Variants in BTBD2 observed in about 807,000 individuals in gnomAD.
The protein encoded by BTBD2 is BTB domain containing 2.
Under a neutral mutation model 44.0 loss-of-function variants are expected in BTBD2, and 15 were observed. The ratio of observed to expected loss-of-function variants is 0.34; its 90% CI spans 0.23 to 0.53. BTBD2 has a LOEUF of 0.53. BTBD2 is among the 20% of genes least tolerant of loss of function. The pLI, the probability that BTBD2 is intolerant of heterozygous loss-of-function variation, is 0.95. For missense variants in BTBD2, 657 were observed against 746.4 expected, an observed-to-expected ratio of 0.88 and a Z score of 1.39; for synonymous variants, 443 against 335.9, an observed-to-expected ratio of 1.32 and a Z score of -3.49.
intron 1 of BTBD2, chr19:2,013,520 G>T: frequency 9.1e-6 from 9 of 986,442 alleles, no homozygotes; most frequent in Non-Finnish European, 1.1e-5. Context: ...TGGGGTGCAG[G>T]GGGTAGCAGG....
intron 4 of BTBD2, 95 bp from the exon 5 acceptor site, chr19:1,990,296 C>A: frequency 7.1e-7 from 1 of 1,414,484 alleles, no homozygotes. Context: ...CAGTTAAAGC[C>A]GGGCTGGCAA....
In BTBD2 at chr19:1,990,167, C is replaced by A. The variant is rs200216414; in HGVS notation, c.825G>T (p.Leu275=). The change falls in exon 5 of 9, where the codon CTG becomes CTT. Residue 275 remains leucine (L), a synonymous_variant. Transcript: ENST00000255608. Reference sequence around the variant, plus strand: ...TGAACAGCCGCACCTCACGGATGCCCAGTGTGTCGCGCTCCAGGACAGCCA... The same window carrying A: ...TGAACAGCCGCACCTCACGGATGCCAAGTGTGTCGCGCTCCAGGACAGCCA... The part of the protein sequence containing the change: ...TLVAVLERDT[L]GIREVRLFNA... The A allele has an allele frequency of 6.7e-4, 1,082 of 1,608,430 alleles. 19 individuals carry two copies. The South Asian group carries it at 0.011, about 17-fold the overall frequency.
chr19:1,987,707 G>T lies in BTBD2; in HGVS notation c.989-15C>A. The T allele has an allele frequency of 6.4e-7, 1 of 1,574,114 alleles. No homozygotes were observed. The highest frequency in any genetic ancestry group is 8.6e-7 in the Non-Finnish European group (1 of 1,156,478). ...CTGTGCGGGACCTGCAGCACAGGGA[G>T]GGTGTGGGGGAGGGCCGGGCTGCAC... On this transcript the variant is annotated splice_polypyrimidine_tract_variant and intron_variant, in intron 5 of 8. Coordinates refer to ENST00000255608, the MANE Select transcript of BTBD2 (RefSeq NM_017797.4).
chr19:1,987,488 C>T lies in BTBD2; in HGVS notation c.1181+12G>A. On this transcript the variant is annotated intron_variant, in intron 6 of 8. Transcript: ENST00000255608. ...CATGTCCGGACCCCCCCGCCTGCAC[C>T]CCAAGCCCCACCTGATGCGGTCACT... 6.4e-7 allele frequency: 1 copy of T among 1,552,122 alleles called. No individual in the cohort carries two copies. Among genetic ancestry groups the T allele is most frequent in the South Asian group, 1.2e-5 (1 of 84,378 alleles).
intron 5 of BTBD2, chr19:1,988,019 G>T (rs2145617378): frequency 3.4e-6 from 1 of 297,494 alleles, no homozygotes; most frequent in Non-Finnish European, 6.3e-6. Flanking sequence ...CTGTGGGTGG[G>T]GGCGGGGGGC....
intron 1 of BTBD2, among the ~76,000 whole-genome samples, chr19:2,005,371 A>C (rs2016382398): frequency 6.6e-6 from 1 of 152,154 alleles, no homozygotes; most frequent in Admixed American, 6.6e-5. Context: ...GCTGGAGTGC[A>C]GTGCTATGAT....
At chr19:2,007,751 C>CA (rs1440716613) in intron 1 of BTBD2, among the ~76,000 whole-genome samples, 1 of 152,128 alleles carries the variant, frequency 6.6e-6, no homozygotes, top group Non-Finnish European at 1.5e-5. Context: ...GCCGGGAACC[C>CA]AGGAGGCAGA....
At chr19:1,997,928 T>A (rs2145633646) in intron 1 of BTBD2, among the ~76,000 whole-genome samples, 1 of 152,340 alleles carries the variant, frequency 6.6e-6, no homozygotes, top group East Asian at 1.9e-4. Context: ...ATTAACTAAT[T>A]TCCATGTACA....
intron 1 of BTBD2, among the ~76,000 whole-genome samples, chr19:2,008,881 T>A (rs1454600733): frequency 6.6e-6 from 1 of 151,810 alleles, no homozygotes; most frequent in Non-Finnish European, 1.5e-5. Flanking sequence ...TGAAAAGTCT[T>A]CACAAAGAAT....
At chr19:1,998,473 C>T (rs796392998) in intron 1 of BTBD2, among the ~76,000 whole-genome samples, 1 of 152,188 alleles carries the variant, frequency 6.6e-6, no homozygotes, top group Non-Finnish European at 1.5e-5. Flanking sequence ...GCTGGGAAAG[C>T]GGTGGCTGTG....
intron 2 of BTBD2, among the ~76,000 whole-genome samples, chr19:1,995,242 C>T (rs532071880): frequency 5.4e-5 from 8 of 149,288 alleles, no homozygotes; most frequent in Admixed American, 4.8e-4. Context: ...GCTGGGATTA[C>T]AGGTGTGAGC....
chr19:1,987,796 C>G (rs541565267), intron 5 of BTBD2, 104 bp from the exon 6 acceptor site: 2 of 1,229,606 alleles, frequency 1.6e-6, no homozygotes, highest in Non-Finnish European at 2.2e-6. Flanking sequence ...GTCGGACTTT[C>G]AAGGTGCAGG....
intron 1 of BTBD2, among the ~76,000 whole-genome samples, chr19:2,011,806 C>T (rs2016467984): frequency 6.6e-6 from 1 of 152,100 alleles, no homozygotes; most frequent in Admixed American, 6.6e-5. Context: ...AGGCCTTCAT[C>T]GTGGCCACCT....
At chr19:1,986,751 G>C in intron 8 of BTBD2, 79 bp downstream of exon 8, 2 of 1,574,582 alleles carry the variant, frequency 1.3e-6, no homozygotes, top group South Asian at 1.2e-5. Context: ...GCTGCCTCTG[G>C]AGAGTGTGTG....
chr19:1,986,690 G>A lies in BTBD2; in HGVS notation c.1417-41C>T, dbSNP rs371438071. On this transcript the variant is annotated intron_variant, in intron 8 of 8. Transcript: ENST00000255608. ...GTACAGTGAGGTCAAGGACCACCAG[G>A]CTGGGATGCCCCAGGTGTGGACAGG... 2.5e-6 allele frequency: 4 copies of A among 1,604,802 alleles called. No individual in the cohort carries two copies. The African/African-American group carries it at 5.4e-5, about 21-fold the overall frequency.
Position 1,990,291 on chromosome 19 carries a change from A to G in BTBD2, c.791-90T>C, listed in dbSNP as rs543344410. On this transcript the variant is annotated intron_variant, in intron 4 of 8. Coordinates refer to ENST00000255608, the MANE Select transcript of BTBD2 (RefSeq NM_017797.4). ...GAGACTAACGTGAGGACCAGCAGTTAAAGCCGGGCTGGCAACTATGGCCCG... is the reference window on the plus strand; with the variant it reads ...GAGACTAACGTGAGGACCAGCAGTTGAAGCCGGGCTGGCAACTATGGCCCG... 7 of 1,438,786 alleles carry G rather than the reference A, an allele frequency of 4.9e-6. No homozygotes were observed. The East Asian group carries it at 1.0e-4, about 20-fold the overall frequency. 89.1% of individuals were successfully genotyped at this position (1,438,786 alleles called of 1,614,324 possible).
At position 1,998,829 on chromosome 19, in the gene BTBD2, C is replaced by T. The variant is rs527962221; in HGVS notation, c.408-1366G>A. ...CTGGTGGGGCGGGTTCACAGACGCT[C>T]GCGAAGTGGGATCACAGACGCTCGG... On this transcript the variant is annotated intron_variant, in intron 1 of 8. Transcript: ENST00000255608. 5.9e-5 allele frequency among the ~76,000 whole-genome samples: 9 copies of T among 152,144 alleles called. No individual in the cohort carries two copies. The East Asian group carries it at 1.4e-3, about 23-fold the overall frequency.
In BTBD2 at chr19:1,986,938, G is replaced by T; in HGVS notation, c.1308C>A (p.Asn436Lys). The T allele has an allele frequency of 6.2e-7, 1 of 1,613,268 alleles. No individual in the cohort carries two copies. The highest frequency in any genetic ancestry group is 8.5e-7 in the Non-Finnish European group (1 of 1,179,820). Reference sequence around the variant, plus strand: ...AGCCGTCGCAGCTGAAGCCCGTGTCGTTCTGGCCCAAGACGGTGTTGCTAT... The same window carrying T: ...AGCCGTCGCAGCTGAAGCCCGTGTCTTTCTGGCCCAAGACGGTGTTGCTAT... ...HTDSNTVLGQ[N>K]DTGFSCDGSA... The change falls in exon 8 of 9, where the codon AAC becomes AAA. Residue 436 changes from asparagine to lysine, a missense_variant. Around this residue, in one of 3 missense-constraint regions of BTBD2, gnomAD observed 449 missense variants for 510.9 expected, o/e 0.88. Transcript: ENST00000255608.
chr19:1,997,827 C>T (rs1156230494), intron 1 of BTBD2, among the ~76,000 whole-genome samples: 3 of 152,272 alleles, frequency 2.0e-5, no homozygotes, highest in Non-Finnish European at 4.4e-5. Flanking sequence ...TGCATTCACA[C>T]ATACGTTCAT....
Sources: allele counts gnomAD v4.1 joint callset (sites outside exome capture counted in the v4.1 genomes callset), GRCh38; gene constraint gnomAD v4.1.1; regional missense constraint gnomAD v4.1.1; transcripts MANE v1.5; gene names NCBI Gene and HGNC (gene_info 2026-07-23, HGNC 2026-07-21).